Variants in PRMT7 observed in about 807,000 individuals in gnomAD.
PRMT7 encodes protein arginine N-methyltransferase 7.
In PRMT7, 75 loss-of-function variants were observed where a neutral mutation model predicts 85.4. The observed-to-expected ratio is 0.88, with a 90% CI of 0.73 to 1.06. The LOEUF (loss-of-function observed/expected upper bound fraction) is 1.06, where lower values mean the gene tolerates loss of function less well. PRMT7 is among the 50% of genes least tolerant of loss of function. PRMT7 has a pLI of 0.00. For missense variants in PRMT7, 868 were observed against 915.2 expected (o/e 0.95, Z 0.67); for synonymous variants, 397 against 359.5 (o/e 1.10, Z -1.18).
intron 5 of PRMT7, among the ~76,000 whole-genome samples, chr16:68,326,601 A>T (rs139876901): frequency 6.6e-6 from 1 of 152,228 alleles, no homozygotes; most frequent in East Asian, 1.9e-4. Context: ...TATTATAGCA[A>T]ACCTCTCCTT....
rs779157122 is a variant in PRMT7, at chr16:68,355,892, A to G, written c.1811+9A>G. The G allele has an allele frequency of 1.9e-6, 3 of 1,576,330 alleles. No individual in the cohort carries two copies. The Admixed American group carries it at 5.2e-5, about 27-fold the overall frequency. ...ACCGTGGAGCTCAGAAGGTGGGTGC[A>G]GAGAGGGCTGGGGGGCAGGGAGGGG... is the stretch of plus-strand genomic sequence containing the variant. On this transcript the variant is annotated intron_variant, in intron 17 of 18. Transcript: ENST00000441236.
At chr16:68,349,443 C>T (rs1035252968) in intron 14 of PRMT7, among the ~76,000 whole-genome samples, 20 of 152,134 alleles carry the variant, frequency 1.3e-4, no homozygotes, top group South Asian at 4.2e-4. Flanking sequence ...TCACCCAACG[C>T]GGAGCTATCA....
chr16:68,324,474 G>A (rs931843427), intron 4 of PRMT7: 38 of 593,706 alleles, frequency 6.4e-5, no homozygotes, highest in Admixed American at 2.7e-4. Flanking sequence ...AGAAGAGTGA[G>A]TGTGGAGCAG....
At chr16:68,351,997 G>T (rs1342866672) in intron 14 of PRMT7, 1 of 407,742 alleles carries the variant, frequency 2.5e-6, no homozygotes, top group Non-Finnish European at 4.5e-6. Flanking sequence ...CGGGACTCAT[G>T]TCTGGTTGTA....
intron 5 of PRMT7, among the ~76,000 whole-genome samples, chr16:68,326,100 C>A (rs1450420865): frequency 1.3e-5 from 2 of 151,980 alleles, no homozygotes; most frequent in Non-Finnish European, 2.9e-5. Context: ...TTGGTAAATA[C>A]CAAATAAAAA....
intron 9 of PRMT7, among the ~76,000 whole-genome samples, chr16:68,342,119 A>G (rs2085637046): frequency 6.6e-6 from 1 of 152,048 alleles, no homozygotes; most frequent in African/African-American, 2.4e-5. Flanking sequence ...TTCTACTAAA[A>G]ATACAAAAAT....
In PRMT7 at chr16:68,357,518, C is replaced by G. The variant is rs1440626807; in HGVS notation, c.*294C>G. 3.1e-6 allele frequency: 1 copy of G among 324,092 alleles called. No individual in the cohort carries two copies. The highest frequency in any genetic ancestry group is 5.6e-6 in the Non-Finnish European group (1 of 177,272). The allele number at this position is 324,092 out of a possible 1,614,324, so 20.1% of individuals were successfully genotyped here. On this transcript the variant is annotated 3_prime_UTR_variant, in exon 19 of 19. Coordinates refer to ENST00000441236, the MANE Select transcript of PRMT7 (RefSeq NM_019023.5). ...GCTCCAACACAGAGACATCTCTCCCCAGCTGGGAAGGGAGTGGAAGCACAG... is the reference window on the plus strand; with the variant it reads ...GCTCCAACACAGAGACATCTCTCCCGAGCTGGGAAGGGAGTGGAAGCACAG...
At chr16:68,318,254 C>T (rs1329174480) in intron 3 of PRMT7, among the ~76,000 whole-genome samples, 2 of 148,662 alleles carry the variant, frequency 1.3e-5, no homozygotes, top group Non-Finnish European at 3.0e-5. Flanking sequence ...GGCTAAAGTG[C>T]AGTGGCACGA....
rs115191631 is a variant in PRMT7, at chr16:68,347,351, C to T, written c.1275+57C>T. 1,207 of 1,464,408 alleles carry T rather than the reference C, an allele frequency of 8.2e-4. 5 individuals are homozygous for T. The African/African-American group carries it at 8.9e-3, about 11-fold the overall frequency. The allele number at this position is 1,464,408 out of a possible 1,614,324, so 90.7% of individuals were successfully genotyped here. ...TGTGGGCTTGTGAGTTAGAGCATTG[C>T]GTGGTCCGGGTGCACAATTCTGTGA... On this transcript the variant is annotated intron_variant, in intron 12 of 18. Transcript: ENST00000441236.
intron 3 of PRMT7, among the ~76,000 whole-genome samples, chr16:68,318,007 A>C (rs2082074578): frequency 6.6e-6 from 1 of 152,062 alleles, no homozygotes; most frequent in African/African-American, 2.4e-5. Context: ...GAGGAACATG[A>C]GTTTAAGTCC....
downstream of PRMT7, chr16:68,360,308 C>G (rs759238039): frequency 6.6e-6 from 1 of 151,654 alleles, no homozygotes; most frequent in Middle Eastern, 3.4e-3. Context: ...AAATCAGGAT[C>G]CCCCCCACCC....
intron 6 of PRMT7, among the ~76,000 whole-genome samples, chr16:68,334,029 C>T (rs563224003): frequency 6.6e-6 from 1 of 152,152 alleles, no homozygotes; most frequent in African/African-American, 2.4e-5. Context: ...CCTTGGCCTC[C>T]CAAAATGCTG....
In PRMT7 at chr16:68,339,413, T is replaced by C; in HGVS notation, c.596T>C (p.Ile199Thr). 1 of 1,614,180 alleles carries C rather than the reference T, an allele frequency of 6.2e-7. No homozygotes were observed. The highest frequency in any genetic ancestry group is 8.5e-7 in the Non-Finnish European group (1 of 1,180,036). The change falls in exon 8 of 19, where the codon ATC becomes ACC. Residue 199 changes from isoleucine (I) to threonine (T), a missense_variant. Transcript: ENST00000441236. Reference protein sequence around the residue: ...RMWSWNKLFPIHVQTSLGEQV... With the variant: ...RMWSWNKLFPTHVQTSLGEQV... ...TGGTCGTGGAACAAGCTATTTCCCA[T>C]CCACGTGCAGACCAGCCTCGGAGAG... is the stretch of plus-strand genomic sequence containing the variant.
rs1324006176 is a variant in PRMT7 at position 68,329,898 on chromosome 16, CAT to C, written c.391+727_391+728del. 3.3e-5 allele frequency among the ~76,000 whole-genome samples: 5 copies of C among 151,666 alleles called. No individual in the cohort carries two copies. In the East Asian group the frequency reaches 7.8e-4, roughly 24 times the overall value. On this transcript the variant is annotated intron_variant, in intron 6 of 18. Coordinates refer to ENST00000441236, the MANE Select transcript of PRMT7 (RefSeq NM_019023.5). Reference sequence around the variant, plus strand: ...ATGTACACACACACACACACACACACATATTTTTTTTTTGAGACGGAATCTCA... The same window carrying C: ...ATGTACACACACACACACACACACACATTTTTTTTTTGAGACGGAATCTCA...
chr16:68,344,517 C>T (rs1011856669), intron 9 of PRMT7, among the ~76,000 whole-genome samples: 2 of 152,080 alleles, frequency 1.3e-5, no homozygotes, highest in Non-Finnish European at 2.9e-5. Flanking sequence ...GTTTATATCC[C>T]GTTCTGAGTG....
At chr16:68,359,110 T>TG (rs1196763796), downstream of PRMT7, 1 of 152,440 alleles carries the variant, frequency 6.6e-6, no homozygotes, top group East Asian at 1.9e-4. Flanking sequence ...AGGGGGTGCC[T>TG]GGGTGGGGAA....
chr16:68,343,713 AC>A (rs1394042781), intron 9 of PRMT7, among the ~76,000 whole-genome samples: 1 of 152,102 alleles, frequency 6.6e-6, no homozygotes. Context: ...GTTTAAAAGA[AC>A]CTGTGTTATT....
Position 68,355,893 on chromosome 16 carries a change from G to C in PRMT7, c.1811+10G>C. ...CCGTGGAGCTCAGAAGGTGGGTGCA[G>C]AGAGGGCTGGGGGGCAGGGAGGGGC... On this transcript the variant is annotated intron_variant, in intron 17 of 18. Transcript: ENST00000441236. The C allele has an allele frequency of 1.3e-6, 2 of 1,575,248 alleles. No homozygotes were observed. The highest frequency in any genetic ancestry group is 1.7e-6 in the Non-Finnish European group (2 of 1,162,426).
chr16:68,353,332 T>C, intron 15 of PRMT7, 160 bp from the exon 16 acceptor site: 5 of 1,445,122 alleles, frequency 3.5e-6, no homozygotes, highest in Non-Finnish European at 4.5e-6. Flanking sequence ...CCCAGTCTGT[T>C]ACAGAAACCG....
Sources: gnomAD v4.1 joint callset for allele counts (sites outside exome capture counted in the v4.1 genomes callset) on GRCh38, gnomAD v4.1.1 for gene constraint, MANE v1.5 for transcripts, NCBI Gene and HGNC (gene_info 2026-07-23, HGNC 2026-07-21) for gene names.